Variants in ZNF735 observed in about 807,000 individuals in gnomAD.
ZNF735 encodes putative zinc finger protein 735.
In ZNF735, 11 loss-of-function variants were observed where a neutral mutation model predicts 13.4. The observed-to-expected ratio is 0.82, with a 90% confidence interval of 0.52 to 1.36. The LOEUF (loss-of-function observed/expected upper bound fraction) is 1.36, where lower values mean the gene tolerates loss of function less well. Among genes scored for constraint, ZNF735 ranks in the 40% most tolerant of loss-of-function variants. The pLI is 0.00. For synonymous variants in ZNF735, 171 were observed against 162.6 expected, an observed-to-expected ratio of 1.05 and a Z score of -0.39; for missense variants, 500 against 484.6, an observed-to-expected ratio of 1.03 and a Z score of -0.30.
intron 2 of ZNF735, among the ~76,000 whole-genome samples, chr7:64,213,812 A>T (rs1787388246): frequency 6.6e-6 from 1 of 152,008 alleles, no homozygotes; most frequent in Admixed American, 6.6e-5. Context: ...TACAAAAATT[A>T]GCTGGGCGTG....
At chr7:64,220,024 T>A (rs1315218190) in exon 4 of ZNF735, 10 of 1,612,282 alleles carry the variant, frequency 6.2e-6, no homozygotes, top group Non-Finnish European at 8.5e-7. Context: ...AGAGAAACCC[T>A]ACACATGTGA....
chr7:64,213,832 GCCTGTAGTC>G (rs879924805), intron 2 of ZNF735, among the ~76,000 whole-genome samples, 172 bp from the exon 3 acceptor site: 5 of 151,990 alleles, frequency 3.3e-5, no homozygotes, highest in Non-Finnish European at 7.4e-5. Context: ...GGTGGTATGT[GCCTGTAGTC>G]CCAGCTACTC....
intron 3 of ZNF735, among the ~76,000 whole-genome samples, chr7:64,217,105 G>T (rs907470029): frequency 7.9e-5 from 12 of 152,162 alleles, no homozygotes. Flanking sequence ...GGCCTAATGA[G>T]AGCTGTTTGC....
At chr7:64,207,757 G>A (rs368809405) in intron 1 of ZNF735, among the ~76,000 whole-genome samples, 2 of 152,294 alleles carry the variant, frequency 1.3e-5, no homozygotes, top group East Asian at 3.9e-4. Flanking sequence ...GGGAGGCCGA[G>A]GCGGGCGGAT....
At chr7:64,219,601 C>G in exon 4 of ZNF735, 1 of 1,575,564 alleles carries the variant, frequency 6.3e-7, no homozygotes, top group South Asian at 1.1e-5. Context: ...TGGAAAGAAA[C>G]ATTTGAAATG....
At chr7:64,208,602 T>G (rs760678746) in intron 1 of ZNF735, among the ~76,000 whole-genome samples, 2 of 151,834 alleles carry the variant, frequency 1.3e-5, no homozygotes, top group Non-Finnish European at 2.9e-5. Context: ...GGAGTACATG[T>G]GCAAGTTTGT....
chr7:64,209,920 C>T (rs553095830), intron 1 of ZNF735, among the ~76,000 whole-genome samples: 1 of 151,984 alleles, frequency 6.6e-6, no homozygotes, highest in East Asian at 1.9e-4. Context: ...TACAAAACAG[C>T]CATTTGGAAG....
At chr7:64,216,908 T>C (rs1787428454) in intron 3 of ZNF735, among the ~76,000 whole-genome samples, 1 of 152,218 alleles carries the variant, frequency 6.6e-6, no homozygotes. Context: ...ACCTGGCTGA[T>C]CTTTTTAAAT....
chr7:64,215,501 ATGTTT>A (rs1219304587), intron 3 of ZNF735, among the ~76,000 whole-genome samples: 2 of 152,144 alleles, frequency 1.3e-5, no homozygotes, highest in Non-Finnish European at 2.9e-5. Context: ...ACTCTATTAA[ATGTTT>A]TATTTGATTG....
intron 1 of ZNF735, among the ~76,000 whole-genome samples, chr7:64,211,460 T>C (rs1237658884): frequency 6.6e-6 from 1 of 152,192 alleles, no homozygotes; most frequent in Admixed American, 6.5e-5. Flanking sequence ...TATTAGGAGA[T>C]ACTTGCTCTC....
Position 64,213,088 on chromosome 7 carries a change from T to G in ZNF735, c.40-4T>G, listed in dbSNP as rs1050459099. On this transcript the variant is annotated splice_region_variant and splice_polypyrimidine_tract_variant and intron_variant, in intron 1 of 3. Transcript: ENST00000429565. ...TTCATGAGGTTTTTCTTTTTTTTTT[T>G]CAGGGACTGTTGACATTCAGAGACA... is the stretch of plus-strand genomic sequence containing the variant. 144 of 1,609,270 alleles carry G rather than the reference T, an allele frequency of 8.9e-5. No homozygotes were observed. The highest frequency in any genetic ancestry group is 1.1e-4 in the Non-Finnish European group (126 of 1,177,886).
intron 2 of ZNF735, 138 bp from the exon 3 acceptor site, chr7:64,213,875 C>T: frequency 1.4e-6 from 1 of 716,066 alleles, no homozygotes; most frequent in Non-Finnish European, 2.0e-6. Context: ...AGAAGCATTG[C>T]TTGCACCTGG....
rs879478241 is a variant in ZNF735, at chr7:64,211,889, AAATAT to A, written c.40-1201_40-1197del. Among the ~76,000 whole-genome samples, 470 of 100,112 alleles carry A rather than the reference AAATAT, an allele frequency of 4.7e-3. 5 individuals carry two copies. In the East Asian group the frequency reaches 0.055, roughly 12 times the overall value. The allele number at this position is 100,112 out of a possible 152,430, so 65.7% of individuals were successfully genotyped here. A position where few individuals can be genotyped will look rare whatever the true frequency, so the allele number is the denominator to read the frequency against. The stretch of plus-strand genomic sequence containing the variant: ...TCAAAAAAAAAAGAAAAAAGAAAAA[AAATAT>A]ATATATATATATATTTATTTATTTA... On this transcript the variant is annotated intron_variant, in intron 1 of 3. Coordinates refer to ENST00000429565, the Ensembl canonical transcript of ZNF735.
chr7:64,218,097 A>T lies in ZNF735; in HGVS notation c.263-1217A>T, dbSNP rs576498394. ...TGGAAAGACCTCTTTTCAGCATTTTATTTAGGGCACATGCAGTGCTTATAT... is the reference window on the plus strand; with the variant it reads ...TGGAAAGACCTCTTTTCAGCATTTTTTTTAGGGCACATGCAGTGCTTATAT... On this transcript the variant is annotated intron_variant, in intron 3 of 3. Coordinates refer to ENST00000429565, the Ensembl canonical transcript of ZNF735. 9.2e-5 allele frequency among the ~76,000 whole-genome samples: 14 copies of T among 152,114 alleles called. No homozygotes were observed. In the East Asian group the frequency reaches 2.5e-3, roughly 27 times the overall value.
At chr7:64,208,559 GT>G (rs953955569) in intron 1 of ZNF735, among the ~76,000 whole-genome samples, 3 of 151,978 alleles carry the variant, frequency 2.0e-5, no homozygotes, top group African/African-American at 7.2e-5. Context: ...ACTCAGTCAA[GT>G]TTTTTTTCTT....
chr7:64,211,379 T>C (rs1263810919), intron 1 of ZNF735, among the ~76,000 whole-genome samples: 1 of 152,208 alleles, frequency 6.6e-6, no homozygotes, highest in East Asian at 1.9e-4. Context: ...ATTAGTTCCA[T>C]GCAGAACAGG....
chr7:64,220,111 A>G (rs1787474257), exon 4 of ZNF735: 2 of 1,613,468 alleles, frequency 1.2e-6, no homozygotes, highest in Non-Finnish European at 1.7e-6. Context: ...GAAACCCTAC[A>G]CATGTGAAGA....
In ZNF735 at chr7:64,207,260, A is replaced by G; in HGVS notation, c.39+19A>G. ...AGAAATGGTGAGTGCTGGGTCTGTCATCGTGAGAGAGGGGTGGGAGGTGGT... is the reference window on the plus strand; with the variant it reads ...AGAAATGGTGAGTGCTGGGTCTGTCGTCGTGAGAGAGGGGTGGGAGGTGGT... On this transcript the variant is annotated intron_variant, in intron 1 of 3. Transcript: ENST00000429565. The G allele has an allele frequency of 4.3e-6, 7 of 1,614,170 alleles. No individual in the cohort carries two copies. The highest frequency in any genetic ancestry group is 5.9e-6 in the Non-Finnish European group (7 of 1,180,032).
intron 1 of ZNF735, among the ~76,000 whole-genome samples, chr7:64,208,554 G>A (rs551712367): frequency 1.3e-5 from 2 of 152,192 alleles, no homozygotes; most frequent in African/African-American, 4.8e-5. Flanking sequence ...ACCACACTCA[G>A]TCAAGTTTTT....
Sources: allele counts gnomAD v4.1 joint callset (sites outside exome capture counted in the v4.1 genomes callset), GRCh38; gene constraint gnomAD v4.1.1; transcripts MANE v1.5; gene names NCBI Gene and HGNC (gene_info 2026-07-23, HGNC 2026-07-21).